BRINP3: variants seen among roughly 807,000 people sequenced by gnomAD.
BRINP3 encodes BMP/retinoic acid-inducible neural-specific protein 3.
BRINP3 carries 19 observed loss-of-function variants against 71.0 expected under a neutral mutation model. That is an observed-to-expected ratio of 0.27 (90% confidence interval 0.19 to 0.39). The LOEUF is 0.39. Among genes scored for constraint, BRINP3 ranks in the 10% least tolerant of loss-of-function variants. The pLI, the probability that BRINP3 is intolerant of heterozygous loss-of-function variation, is 1.00. For missense variants in BRINP3, 959 were observed against 940.8 expected (o/e 1.02, Z -0.25); for synonymous variants, 380 against 337.7 (o/e 1.13, Z -1.37).
At chr1:190,144,858 A>G (rs185649279) in intron 7 of BRINP3, among the ~76,000 whole-genome samples, 9 of 152,174 alleles carry the variant, frequency 5.9e-5, no homozygotes, top group African/African-American at 2.2e-4. Context: ...GCCCCACTGC[A>G]CCTCAGGAAT....
intron 6 of BRINP3, among the ~76,000 whole-genome samples, chr1:190,203,832 A>T (rs1423927448): frequency 8.8e-6 from 1 of 114,128 alleles, no homozygotes; most frequent in East Asian, 2.9e-4. Flanking sequence ...AACAAAGGGC[A>T]CGTTGGCATT....
At chr1:190,427,853 A>G (rs1490663256) in intron 2 of BRINP3, among the ~76,000 whole-genome samples, 2 of 149,044 alleles carry the variant, frequency 1.3e-5, no homozygotes, top group East Asian at 2.0e-4. Flanking sequence ...TAAGCCTAGT[A>G]TGCATTAGGT....
chr1:190,253,775 G>C (rs1660378407), intron 4 of BRINP3, among the ~76,000 whole-genome samples: 1 of 151,800 alleles, frequency 6.6e-6, no homozygotes, highest in African/African-American at 2.4e-5. Context: ...AAGTTCTTTA[G>C]TTTAATTTGT....
chr1:190,246,878 A>G (rs1659662083), intron 4 of BRINP3, among the ~76,000 whole-genome samples: 1 of 151,956 alleles, frequency 6.6e-6, no homozygotes. Flanking sequence ...CAGATAAGCA[A>G]CCTAGGTAGA....
chr1:190,174,741 C>T (rs1007031403), intron 6 of BRINP3, among the ~76,000 whole-genome samples: 1 of 151,730 alleles, frequency 6.6e-6, no homozygotes, highest in Admixed American at 6.6e-5. Flanking sequence ...TTTTTCAAAC[C>T]ACCTAACATA....
At chr1:190,273,452 T>C (rs940610997) in intron 3 of BRINP3, among the ~76,000 whole-genome samples, 4 of 151,544 alleles carry the variant, frequency 2.6e-5, no homozygotes, top group Non-Finnish European at 4.4e-5. Flanking sequence ...ATGTGATTAT[T>C]CCACATAGAA....
intron 7 of BRINP3, among the ~76,000 whole-genome samples, chr1:190,139,852 G>T (rs1306292553): frequency 6.6e-6 from 1 of 152,114 alleles, no homozygotes; most frequent in Non-Finnish European, 1.5e-5. Flanking sequence ...ACATGTTTTG[G>T]ATACTCATTA....
intron 2 of BRINP3, among the ~76,000 whole-genome samples, chr1:190,448,740 G>T (rs1675404981): frequency 6.6e-6 from 1 of 151,242 alleles, no homozygotes; most frequent in South Asian, 2.1e-4. Context: ...TTTTAGAGCT[G>T]GAAATATTTA....
At chr1:190,277,110 T>TATATATATATAG (rs1209877389) in intron 3 of BRINP3, among the ~76,000 whole-genome samples, 1 of 123,486 alleles carries the variant, frequency 8.1e-6, no homozygotes, top group Non-Finnish European at 1.8e-5. Context: ...TATATATATA[T>TATATATATATAG]ATATATATTT....
intron 4 of BRINP3, among the ~76,000 whole-genome samples, chr1:190,239,933 G>T (rs1251140245): frequency 6.6e-6 from 1 of 151,516 alleles, no homozygotes; most frequent in Non-Finnish European, 1.5e-5. Flanking sequence ...TTACTAATAT[G>T]AGTTTATTTT....
At chr1:190,452,397 G>A (rs1675673046) in intron 2 of BRINP3, among the ~76,000 whole-genome samples, 1 of 152,174 alleles carries the variant, frequency 6.6e-6, no homozygotes, top group African/African-American at 2.4e-5. Flanking sequence ...TAAAGACATA[G>A]TAAGGATAAG....
chr1:190,200,841 G>T (rs1388402203), intron 6 of BRINP3, among the ~76,000 whole-genome samples: 1 of 150,624 alleles, frequency 6.6e-6, no homozygotes, highest in African/African-American at 2.4e-5. Flanking sequence ...GATGTGACTT[G>T]TTCTGCCATG....
intron 2 of BRINP3, among the ~76,000 whole-genome samples, chr1:190,293,097 A>G (rs536973386): frequency 3.9e-5 from 6 of 152,016 alleles, no homozygotes; most frequent in South Asian, 2.1e-4. Flanking sequence ...TTACTTCTCT[A>G]CATTTCTTGA....
At chr1:190,199,887 T>C (rs772594206) in intron 6 of BRINP3, among the ~76,000 whole-genome samples, 1 of 150,840 alleles carries the variant, frequency 6.6e-6, no homozygotes, top group Non-Finnish European at 1.5e-5. Context: ...AAAACAAAAA[T>C]AACAAAATAT....
chr1:190,330,323 C>T (rs988587709), intron 2 of BRINP3, among the ~76,000 whole-genome samples: 1 of 151,910 alleles, frequency 6.6e-6, no homozygotes, highest in Admixed American at 6.6e-5. Context: ...GGGCAAAATA[C>T]ATGAACAGAC....
intron 1 of BRINP3, among the ~76,000 whole-genome samples, chr1:190,470,613 A>G (rs747411380): frequency 1.3e-5 from 2 of 151,166 alleles, no homozygotes; most frequent in African/African-American, 4.8e-5. Flanking sequence ...TAAAACATTG[A>G]CAAATTATGA....
intron 7 of BRINP3, among the ~76,000 whole-genome samples, chr1:190,131,187 T>A (rs867818095): frequency 1.9e-5 from 1 of 51,724 alleles, no homozygotes; most frequent in South Asian, 8.1e-4. Flanking sequence ...TGGCGGGGGG[T>A]GGGGGGTGGG....
chr1:190,367,192 G>A (rs916275907), intron 2 of BRINP3, among the ~76,000 whole-genome samples: 1 of 152,220 alleles, frequency 6.6e-6, no homozygotes, highest in African/African-American at 2.4e-5. Context: ...AGACATGCAG[G>A]CATTTCCACA....
chr1:190,475,672 T>G (rs757526784), intron 1 of BRINP3: 1 of 152,234 alleles, frequency 6.6e-6, no homozygotes, highest in Non-Finnish European at 1.5e-5. Flanking sequence ...CAGAGTCGCC[T>G]GTTGATAACC....
Sources: gnomAD v4.1 joint callset for allele counts (sites outside exome capture counted in the v4.1 genomes callset) on GRCh38, gnomAD v4.1.1 for gene constraint, MANE v1.5 for transcripts, NCBI Gene and HGNC (gene_info 2026-07-23, HGNC 2026-07-21) for gene names.